KCNG3: variants seen among roughly 807,000 people sequenced by gnomAD.
The protein encoded by KCNG3 is potassium voltage-gated channel modifier subfamily G member 3.
In KCNG3, 15 loss-of-function variants were observed where a neutral mutation model predicts 29.0. The observed-to-expected ratio is 0.52, with a 90% CI of 0.35 to 0.80. The LOEUF (loss-of-function observed/expected upper bound fraction) is 0.80. KCNG3 is among the 30% of genes least tolerant of loss of function. The probability of loss-of-function intolerance (pLI) is 0.01; values close to 1 mark genes in which losing one functional copy is unlikely to be tolerated. For synonymous variants in KCNG3, 322 were observed against 248.9 expected (o/e 1.29, Z -2.76); for missense variants, 512 against 605.7 (o/e 0.85, Z 1.62).
rs543256347 is a variant in KCNG3 at position 42,452,970 on chromosome 2, T to C, written c.666-8391A>G. Among the ~76,000 whole-genome samples the C allele has an allele frequency of 2.6e-4, 40 of 152,204 alleles. No individual in the cohort carries two copies. In the South Asian group the frequency reaches 3.5e-3, roughly 13 times the overall value. On this transcript the variant is annotated intron_variant, in intron 1 of 1. Transcript: ENST00000306078. ...GTAATTTTTGTATTTTTAGTAGAGA[T>C]GGGGTTTCACCATGTTGGCCAAGCT...
intron 1 of KCNG3, among the ~76,000 whole-genome samples, chr2:42,468,782 G>A (rs549131577): frequency 1.5e-4 from 23 of 150,888 alleles, no homozygotes; most frequent in Admixed American, 3.3e-4. Context: ...GTGAAACCCC[G>A]TCTCTACTAA....
intron 1 of KCNG3, among the ~76,000 whole-genome samples, chr2:42,471,943 A>G (rs1673300834): frequency 6.6e-6 from 1 of 152,072 alleles, no homozygotes; most frequent in Admixed American, 6.6e-5. Flanking sequence ...TTTCATATCT[A>G]CCAGATTAGC....
At chr2:42,391,529 G>A in the KCNG3 span, among the ~76,000 whole-genome samples, 1 of 149,218 alleles carries the variant, frequency 6.7e-6, no homozygotes, top group African/African-American at 2.5e-5. Context: ...GTCCTTCCCA[G>A]CCTTCTCAAT....
At chr2:42,403,477 G>GTTTTT in the KCNG3 span, among the ~76,000 whole-genome samples, 188 of 87,770 alleles carry the variant, frequency 2.1e-3, 3 homozygotes, top group South Asian at 2.5e-3. Context: ...TTTCTTTTCT[G>GTTTTT]TTTTTTTTTT....
chr2:42,493,219 A>G lies in KCNG3; in HGVS notation c.283T>C (p.Tyr95His). 6.2e-7 allele frequency: 1 copy of G among 1,611,442 alleles called. No homozygotes were observed. Among genetic ancestry groups the G allele is most frequent in the Non-Finnish European group, 8.5e-7 (1 of 1,179,854 alleles). ...FAPRMCELSF[Y>H]NEMIYWGLEG... is the part of the protein sequence containing the mutation. The stretch of plus-strand genomic sequence containing the variant: ...AGGCCCCAGTAGATCATCTCGTTGT[A>G]GAAGGAGAGCTCGCACATCCGCGGC... Residue 95 changes from tyrosine to histidine, a missense_variant, in exon 1 of 2, where the codon TAC becomes CAC. Transcript: ENST00000306078.
the KCNG3 span, among the ~76,000 whole-genome samples, chr2:42,404,312 CCT>C: frequency 9.9e-5 from 15 of 151,708 alleles, no homozygotes; most frequent in African/African-American, 2.9e-4. Flanking sequence ...AAGAAGAACC[CCT>C]GTTTCAATGA....
At chr2:42,400,148 TG>T in the KCNG3 span, among the ~76,000 whole-genome samples, 1 of 152,202 alleles carries the variant, frequency 6.6e-6, no homozygotes, top group South Asian at 2.1e-4. Context: ...AGGGCTGGCA[TG>T]GGTGGTCTTA....
chr2:42,433,506 A>AG, the KCNG3 span, among the ~76,000 whole-genome samples: 2 of 152,136 alleles, frequency 1.3e-5, no homozygotes, highest in African/African-American at 2.4e-5. Flanking sequence ...TGGGAGGCTG[A>AG]GGGGGGCATA....
chr2:42,420,053 A>C, the KCNG3 span, among the ~76,000 whole-genome samples: 1 of 151,906 alleles, frequency 6.6e-6, no homozygotes, highest in African/African-American at 2.4e-5. Context: ...TGAAAACCCT[A>C]TCTCTACTAA....
intron 1 of KCNG3, among the ~76,000 whole-genome samples, chr2:42,477,372 T>C (rs1167416169): frequency 4.9e-5 from 5 of 101,728 alleles, no homozygotes; most frequent in East Asian, 8.7e-4. Context: ...TACATATATA[T>C]ACACACACAT....
At chr2:42,482,266 T>C (rs1356330111) in intron 1 of KCNG3, among the ~76,000 whole-genome samples, 1 of 152,210 alleles carries the variant, frequency 6.6e-6, no homozygotes, top group African/African-American at 2.4e-5. Flanking sequence ...TAAAACCAAC[T>C]TGCAATTGAT....
At chr2:42,477,447 A>G (rs1312357424) in intron 1 of KCNG3, among the ~76,000 whole-genome samples, 1 of 80,948 alleles carries the variant, frequency 1.2e-5, no homozygotes, top group Non-Finnish European at 2.3e-5. Context: ...TTTTTTTTTG[A>G]GACGGAGTCT....
At chr2:42,485,753 T>C (rs1361184056) in intron 1 of KCNG3, among the ~76,000 whole-genome samples, 1 of 152,162 alleles carries the variant, frequency 6.6e-6, no homozygotes, top group African/African-American at 2.4e-5. Flanking sequence ...CGGCAAATGC[T>C]TAGTCATTTT....
At chr2:42,456,570 C>T (rs1672878116) in intron 1 of KCNG3, among the ~76,000 whole-genome samples, 1 of 152,112 alleles carries the variant, frequency 6.6e-6, no homozygotes, top group Admixed American at 6.6e-5. Flanking sequence ...CATCTCTGAG[C>T]TCAGAGCCTT....
At chr2:42,406,131 A>G in the KCNG3 span, among the ~76,000 whole-genome samples, 15 of 152,222 alleles carry the variant, frequency 9.9e-5, no homozygotes, top group Admixed American at 7.2e-4. Context: ...GCATCCCACA[A>G]TGTTTGATAC....
the KCNG3 span, among the ~76,000 whole-genome samples, chr2:42,392,294 C>T: frequency 2.1e-4 from 32 of 152,076 alleles, no homozygotes; most frequent in Non-Finnish European, 4.4e-5. Flanking sequence ...GTCACCTGGT[C>T]CCTTCCTCTA....
downstream of KCNG3, among the ~76,000 whole-genome samples, chr2:42,441,717 C>T (rs373550978): frequency 2.3e-4 from 2 of 8,562 alleles, no homozygotes; most frequent in Admixed American, 1.8e-3. Context: ...TATATATATA[C>T]ACACACACAT....
chr2:42,445,418 G>A (rs1672574149), intron 1 of KCNG3, among the ~76,000 whole-genome samples: 1 of 152,238 alleles, frequency 6.6e-6, no homozygotes, highest in African/African-American at 2.4e-5. Flanking sequence ...CAATAGGCTT[G>A]TATGGGAGAT....
chr2:42,486,820 G>A (rs563104250), intron 1 of KCNG3, among the ~76,000 whole-genome samples: 9 of 152,266 alleles, frequency 5.9e-5, no homozygotes, highest in East Asian at 1.9e-4. Flanking sequence ...CTGGCACAGC[G>A]CCTGGCACAA....
Sources: allele counts gnomAD v4.1 joint callset (sites outside exome capture counted in the v4.1 genomes callset), GRCh38; gene constraint gnomAD v4.1.1; transcripts MANE v1.5; gene names NCBI Gene and HGNC (gene_info 2026-07-23, HGNC 2026-07-21).